The following LAMA3 variants were observed in gnomAD, a reference collection of about 807,000 sequenced individuals.
The protein encoded by LAMA3 is laminin subunit alpha 3.
LAMA3 carries 281 observed loss-of-function variants against 402.0 expected under a neutral mutation model. The observed-to-expected ratio is 0.70, with a 90% CI of 0.63 to 0.77. LAMA3 has a LOEUF of 0.77. LAMA3 is among the 30% of genes least tolerant of loss of function. The probability of loss-of-function intolerance (pLI) is 0.00; values close to 1 mark genes in which losing one functional copy is unlikely to be tolerated. For missense variants in LAMA3, 3,840 were observed against 4,215.5 expected (o/e 0.91, Z 2.47); for synonymous variants, 1,431 against 1,558.4 (o/e 0.92, Z 1.93).
intron 13 of LAMA3, among the ~76,000 whole-genome samples, chr18:23,812,042 T>A (rs2063081982): frequency 6.6e-6 from 1 of 151,710 alleles, no homozygotes; most frequent in African/African-American, 2.4e-5. Context: ...CCTAGCTAAT[T>A]TTTTGTATTT....
At chr18:23,842,578 G>C (rs757052742) in intron 28 of LAMA3, 33 bp from the exon 29 acceptor site, 1 of 1,614,214 alleles carries the variant, frequency 6.2e-7, no homozygotes, top group Non-Finnish European at 8.5e-7. Context: ...ACAGTCCGGT[G>C]CATGACAGAA....
At chr18:23,922,210 G>A (rs911143418) in intron 62 of LAMA3, among the ~76,000 whole-genome samples, 8 of 152,186 alleles carry the variant, frequency 5.3e-5, no homozygotes, top group Non-Finnish European at 8.8e-5. Flanking sequence ...TATCCTCCCG[G>A]AAGGCTTTTA....
At chr18:23,924,400 C>A (rs919959839) in intron 62 of LAMA3, among the ~76,000 whole-genome samples, 8 of 152,084 alleles carry the variant, frequency 5.3e-5, no homozygotes, top group African/African-American at 1.9e-4. Flanking sequence ...AGTCCACCCA[C>A]CTTGGCCTCC....
At chr18:23,948,114 T>C (rs989034352) in intron 70 of LAMA3, among the ~76,000 whole-genome samples, 4 of 152,090 alleles carry the variant, frequency 2.6e-5, no homozygotes, top group Admixed American at 2.6e-4. Context: ...GCCCGGCCCC[T>C]ATTTTCAACT....
chr18:23,915,315 A>C lies in LAMA3; in HGVS notation c.7671A>C (p.Pro2557=), dbSNP rs151335228. The part of the protein sequence containing the change: ...FKLPSRLSFP[P]YKGCIELDDL... Reference sequence around the variant, plus strand: ...TTCCCAGTCGACTAAGTTTCCCTCCATACAAAGGTTGTATTGAATTAGATG... The same window carrying C: ...TTCCCAGTCGACTAAGTTTCCCTCCCTACAAAGGTTGTATTGAATTAGATG... Residue 2557 remains proline, a synonymous_variant, in exon 59 of 75, where the codon CCA becomes CCC. Transcript: ENST00000313654. 1.2e-6 allele frequency: 2 copies of C among 1,613,822 alleles called. No homozygotes were observed. The highest frequency in any genetic ancestry group is 2.7e-5 in the African/African-American group (2 of 75,052).
intron 12 of LAMA3, among the ~76,000 whole-genome samples, chr18:23,800,599 C>T (rs1407471978): frequency 6.6e-6 from 1 of 152,166 alleles, no homozygotes; most frequent in Non-Finnish European, 1.5e-5. Flanking sequence ...TAACCACATT[C>T]ACCCTGCAGT....
At chr18:23,774,180 G>A (rs2062264571) in intron 9 of LAMA3, among the ~76,000 whole-genome samples, 1 of 152,260 alleles carries the variant, frequency 6.6e-6, no homozygotes, top group Non-Finnish European at 1.5e-5. Flanking sequence ...CCAAGATCAC[G>A]CCACTGCACT....
At chr18:23,739,529 G>T (rs914050434) in intron 2 of LAMA3, among the ~76,000 whole-genome samples, 1 of 152,208 alleles carries the variant, frequency 6.6e-6, no homozygotes, top group African/African-American at 2.4e-5. Context: ...TCAGCCTTAA[G>T]TAAAACTCTG....
intron 68 of LAMA3, among the ~76,000 whole-genome samples, chr18:23,941,333 C>CCG (rs1555750111): frequency 1.4e-5 from 2 of 143,808 alleles, no homozygotes; most frequent in Non-Finnish European, 3.1e-5. Flanking sequence ...GGCGCCCCCC[C>CCG]CCCGCCCGGC....
intron 2 of LAMA3, among the ~76,000 whole-genome samples, chr18:23,741,829 G>T (rs2061568554): frequency 1.3e-5 from 2 of 152,168 alleles, no homozygotes; most frequent in Non-Finnish European, 2.9e-5. Context: ...TGAGAAGGAA[G>T]TGCCACCCAC....
At position 23,775,776 on chromosome 18, in the gene LAMA3, C is replaced by G; in HGVS notation, c.1274-16C>G. 1 of 1,613,954 alleles carries G rather than the reference C, an allele frequency of 6.2e-7. No individual in the cohort carries two copies. ...CAGTGAAGGACGGATCCTTTGAAAA[C>G]TGGGATTTCTCTTAGCCTGCAGCTG... On this transcript the variant is annotated splice_polypyrimidine_tract_variant and intron_variant, in intron 9 of 74. Coordinates refer to ENST00000313654, the MANE Select transcript of LAMA3 (RefSeq NM_198129.4).
At chr18:23,767,190 A>G (rs536147990) in intron 8 of LAMA3, among the ~76,000 whole-genome samples, 2 of 152,372 alleles carry the variant, frequency 1.3e-5, no homozygotes, top group Admixed American at 1.3e-4. Context: ...TACAAGGACA[A>G]CTACAAAATA....
chr18:23,844,002 A>T (rs932676684), intron 29 of LAMA3, among the ~76,000 whole-genome samples: 6 of 151,384 alleles, frequency 4.0e-5, no homozygotes, highest in African/African-American at 1.2e-4. Flanking sequence ...CATTGCCCAG[A>T]CTCTCTGTGT....
chr18:23,689,939 G>A lies in LAMA3; in HGVS notation c.256G>A (p.Gly86Arg), dbSNP rs1403184576. The A allele has an allele frequency of 1.3e-6, 2 of 1,523,534 alleles. No individual in the cohort carries two copies. Among genetic ancestry groups the A allele is most frequent in the Non-Finnish European group, 1.8e-6 (2 of 1,135,172 alleles). The allele number at this position is 1,523,534 out of a possible 1,614,324, so 94.4% of individuals were successfully genotyped here. The change falls in exon 1 of 75, where the codon GGG (glycine) becomes AGG (arginine). Residue 86 changes from glycine (G) to arginine (R), a missense_variant. By Grantham distance (125) the Gly-to-Arg change is moderately radical. Transcript: ENST00000313654. ...PQPELYCKLV[G>R]GPTAPGSGHT... ...GCCCGAGCTCTACTGCAAGTTGGTC[G>A]GGGGCCCCACCGCCCCAGGCAGCGG...
intron 69 of LAMA3, among the ~76,000 whole-genome samples, chr18:23,944,714 T>A (rs1380652774): frequency 6.6e-6 from 1 of 152,082 alleles, no homozygotes; most frequent in Non-Finnish European, 1.5e-5. Context: ...ATTAGCTGAA[T>A]GAACAAAACA....
rs770784711 is a variant in LAMA3 at position 23,758,563 on chromosome 18, C to G, written c.1063+52C>G. 43 of 1,319,504 alleles carry G rather than the reference C, an allele frequency of 3.3e-5. 1 individual carries two copies. Among genetic ancestry groups the G allele is most frequent in the Non-Finnish European group, 3.7e-5 (34 of 918,574 alleles). 81.7% of individuals were successfully genotyped at this position (1,319,504 alleles called of 1,614,324 possible). ...ACACGTGGCCTTCTCCCCCCTCTCC[C>G]TGGGGGCTGAGGCTATTTTCCCCAT... On this transcript the variant is annotated intron_variant, in intron 7 of 74. Transcript: ENST00000313654.
chr18:23,836,971 T>C lies in LAMA3; in HGVS notation c.2985-10T>C, dbSNP rs766154002. 1 of 1,608,650 alleles carries C rather than the reference T, an allele frequency of 6.2e-7. No homozygotes were observed. The highest frequency in any genetic ancestry group is 2.2e-5 in the East Asian group (1 of 44,860). ...GAGTCAGGCTAAGAAAACTCTGTTTTCTCTTGCAGTGTTCTCTGCCGGAGT... is the reference window on the plus strand; with the variant it reads ...GAGTCAGGCTAAGAAAACTCTGTTTCCTCTTGCAGTGTTCTCTGCCGGAGT... On this transcript the variant is annotated splice_polypyrimidine_tract_variant and intron_variant, in intron 24 of 74. Transcript: ENST00000313654.
Position 23,932,171 on chromosome 18 carries a change from T to A in LAMA3, c.8588T>A (p.Leu2863His). 6.2e-7 allele frequency: 1 copy of A among 1,614,054 alleles called. No individual in the cohort carries two copies. The highest frequency in any genetic ancestry group is 8.5e-7 in the Non-Finnish European group (1 of 1,179,896). ...TTCTTCCCTTTCAGACTACGGCTTC[T>A]CATCGATGACCAGCTTCTGAGAAAT... ...VISDNSGLRLLIDDQLLRNSK... is the reference protein window; with the variant it reads ...VISDNSGLRLHIDDQLLRNSK... Residue 2863 changes from leucine to histidine, a missense_variant, in exon 66 of 75, where the codon CTC (leucine) becomes CAC (histidine). Leu to His is a moderately conservative substitution (Grantham distance 99). Transcript: ENST00000313654.
rs140925567 is a variant in LAMA3 at position 23,938,993 on chromosome 18, G to T, written c.8863-230G>T. On this transcript the variant is annotated intron_variant, in intron 67 of 74. Transcript: ENST00000313654. ...TTACGAGGATCTGGCTTCGGGAAAG[G>T]TTAAAGAGCTAAATAAAGAATGAGC... Among the ~76,000 whole-genome samples the T allele has an allele frequency of 3.0e-4, 45 of 152,226 alleles. No individual in the cohort carries two copies. The East Asian group carries it at 4.4e-3, about 15-fold the overall frequency.
Sources: allele counts gnomAD v4.1 joint callset (sites outside exome capture counted in the v4.1 genomes callset), GRCh38; gene constraint gnomAD v4.1.1; transcripts MANE v1.5; gene names NCBI Gene and HGNC (gene_info 2026-07-23, HGNC 2026-07-21).